COX16: variants seen among roughly 807,000 people sequenced by gnomAD.
COX16 encodes the protein cytochrome c oxidase assembly protein COX16 homolog, mitochondrial.
A neutral mutation model predicts 15.4 loss-of-function variants in COX16; 12 were observed. The ratio of observed to expected loss-of-function variants is 0.78; its 90% CI spans 0.50 to 1.26. The LOEUF (loss-of-function observed/expected upper bound fraction) is 1.26, where lower values mean the gene tolerates loss of function less well. COX16 is among the 50% of genes most tolerant of loss of function. COX16 has a pLI of 0.00. For synonymous variants in COX16, 46 were observed against 41.1 expected (o/e 1.12, Z -0.46); for missense variants, 124 against 127.6 (o/e 0.97, Z 0.14).
At chr14:70,334,437 C>T (rs113701251) in intron 2 of COX16, among the ~76,000 whole-genome samples, 4,424 of 152,256 alleles carry the variant, frequency 0.029, 212 homozygotes, top group African/African-American at 0.099. Flanking sequence ...GCAGAAGAAT[C>T]GCTTGGAAGG....
At chr14:70,333,735 TA>T (rs1886361797) in intron 2 of COX16, among the ~76,000 whole-genome samples, 1 of 152,096 alleles carries the variant, frequency 6.6e-6, no homozygotes, top group Non-Finnish European at 1.5e-5. Flanking sequence ...AAAAGCAAGG[TA>T]AAATGTCACC....
At position 70,330,272 on chromosome 14, in the gene COX16, C is replaced by G. The variant is rs990108052; in HGVS notation, c.142-1036G>C. Among the ~76,000 whole-genome samples, 3 of 152,132 alleles carry G rather than the reference C, an allele frequency of 2.0e-5. No individual in the cohort carries two copies. The East Asian group carries it at 5.8e-4, about 29-fold the overall frequency. ...TAATTTTATGCCATTAATTTGAAAA[C>G]TTAGATAAAATGGACAGATTAATAG... On this transcript the variant is annotated intron_variant, in intron 2 of 3. Transcript: ENST00000389912.
At chr14:70,354,085 G>A (rs1887051285) in intron 1 of COX16, among the ~76,000 whole-genome samples, 1 of 151,856 alleles carries the variant, frequency 6.6e-6, no homozygotes, top group Admixed American at 6.6e-5. Context: ...GCTGAGGTGG[G>A]AGAATCACTT....
Position 70,352,635 on chromosome 14 carries a change from C to CTTTTTT in COX16, c.69+6878_69+6883dup, listed in dbSNP as rs869290362. On this transcript the variant is annotated intron_variant, in intron 1 of 3. Coordinates refer to ENST00000389912, the MANE Select transcript of COX16 (RefSeq NM_016468.7). The stretch of plus-strand genomic sequence containing the variant: ...TACATTTTCTAACACAAATATATTT[C>CTTTTTT]TTTTTTTTTCTTTTTTTTTTTTTTT... 3.4e-5 allele frequency among the ~76,000 whole-genome samples: 4 copies of CTTTTTT among 118,820 alleles called. 1 individual carries two copies. Among genetic ancestry groups the CTTTTTT allele is most frequent in the Non-Finnish European group, 6.8e-5 (4 of 58,646 alleles). 78.0% of individuals were successfully genotyped at this position (118,820 alleles called of 152,430 possible). A position where few individuals can be genotyped will look rare whatever the true frequency, so the allele number is the denominator to read the frequency against.
At chr14:70,349,931 G>A (rs1405472991) in intron 1 of COX16, among the ~76,000 whole-genome samples, 1 of 152,160 alleles carries the variant, frequency 6.6e-6, no homozygotes, top group East Asian at 1.9e-4. Context: ...TCCAGATGAT[G>A]CTCCTGATAC....
At chr14:70,336,948 G>T (rs960910227) in intron 2 of COX16, among the ~76,000 whole-genome samples, 15 of 152,126 alleles carry the variant, frequency 9.9e-5, no homozygotes, top group African/African-American at 3.6e-4. Flanking sequence ...TGGAGTTTAA[G>T]AGATAAAGAC....
chr14:70,333,705 GAAATATAT>G (rs1202087854), intron 2 of COX16, among the ~76,000 whole-genome samples: 1 of 152,140 alleles, frequency 6.6e-6, no homozygotes, highest in East Asian at 1.9e-4. Context: ...TAAACCTGGA[GAAATATAT>G]AAGTATCTGG....
intron 1 of COX16, among the ~76,000 whole-genome samples, chr14:70,347,639 C>T (rs946433543): frequency 2.0e-5 from 3 of 152,122 alleles, no homozygotes; most frequent in Middle Eastern, 3.2e-3. Flanking sequence ...GAGACTGCAA[C>T]GCCCATGCTA....
chr14:70,355,887 T>C (rs1433816649), intron 1 of COX16, among the ~76,000 whole-genome samples: 1 of 152,086 alleles, frequency 6.6e-6, no homozygotes, highest in Non-Finnish European at 1.5e-5. Context: ...GAGTGAGTTC[T>C]CACTCTATTA....
chr14:70,328,445 G>A (rs1356253141), intron 3 of COX16, among the ~76,000 whole-genome samples: 1 of 151,982 alleles, frequency 6.6e-6, no homozygotes, highest in African/African-American at 2.4e-5. Context: ...ATATAATCCA[G>A]TCAAAAAAAT....
chr14:70,339,680 C>A (rs1303466436), intron 2 of COX16, among the ~76,000 whole-genome samples: 1 of 152,146 alleles, frequency 6.6e-6, no homozygotes, highest in Non-Finnish European at 1.5e-5. Context: ...TCCTGAAGAA[C>A]AAAACTCAAC....
chr14:70,348,353 C>T (rs61977533), intron 1 of COX16, among the ~76,000 whole-genome samples: 23,135 of 152,216 alleles, frequency 0.15, 1,902 homozygotes, highest in Middle Eastern at 0.19. Flanking sequence ...AATCACCGTG[C>T]TAACCAGCTC....
intron 3 of COX16, among the ~76,000 whole-genome samples, 189 bp from the exon 4 acceptor site, chr14:70,326,638 T>TA (rs1423487153): frequency 6.6e-6 from 1 of 151,974 alleles, no homozygotes; most frequent in African/African-American, 2.4e-5. Flanking sequence ...TTTCATTTGT[T>TA]ACTGATGTTA....
At position 70,325,397 on chromosome 14, in the gene COX16, T is replaced by A. The variant is rs572046431; in HGVS notation, c.*936A>T. ...GAGATGGAGACCATCCTGGCTAACGTGGTGAAACCCCATCTCTACTAAATA... is the reference window on the plus strand; with the variant it reads ...GAGATGGAGACCATCCTGGCTAACGAGGTGAAACCCCATCTCTACTAAATA... On this transcript the variant is annotated 3_prime_UTR_variant, in exon 4 of 4. Coordinates refer to ENST00000389912, the MANE Select transcript of COX16 (RefSeq NM_016468.7). 1 of 152,284 alleles carries A rather than the reference T, an allele frequency of 6.6e-6. No individual in the cohort carries two copies. The highest frequency in any genetic ancestry group is 1.9e-4 in the East Asian group (1 of 5,168). The allele number at this position is 152,284 out of a possible 1,614,324, so 9.4% of individuals were successfully genotyped here.
intron 1 of COX16, among the ~76,000 whole-genome samples, chr14:70,348,046 A>G (rs1886834897): frequency 6.6e-6 from 1 of 151,842 alleles, no homozygotes; most frequent in African/African-American, 2.4e-5. Context: ...CTCTATACCA[A>G]CGAACGTGTA....
rs58611844 is a variant in COX16 at position 70,335,603 on chromosome 14, T to TAAAA, written c.142-6371_142-6368dup. On this transcript the variant is annotated intron_variant, in intron 2 of 3. Coordinates refer to ENST00000389912, the MANE Select transcript of COX16 (RefSeq NM_016468.7). ...CAACGCTCCTGAATGACCAAAGAGT[T>TAAAA]AAAAAAAAAAAAAAAGGACCAAATT... Among the ~76,000 whole-genome samples, 517 of 136,802 alleles carry TAAAA rather than the reference T, an allele frequency of 3.8e-3. 5 individuals carry two copies. Among genetic ancestry groups the TAAAA allele is most frequent in the African/African-American group, 0.013 (483 of 37,332 alleles). The allele number at this position is 136,802 out of a possible 152,430, so 89.7% of individuals were successfully genotyped here. A position where few individuals can be genotyped will look rare whatever the true frequency, so the allele number is the denominator to read the frequency against.
At chr14:70,349,557 A>C (rs1446158855) in intron 1 of COX16, among the ~76,000 whole-genome samples, 1 of 152,224 alleles carries the variant, frequency 6.6e-6, no homozygotes, top group Non-Finnish European at 1.5e-5. Flanking sequence ...CACACCCTAC[A>C]GGCCTCAATC....
At chr14:70,351,290 A>G (rs949752696) in intron 1 of COX16, among the ~76,000 whole-genome samples, 6 of 152,228 alleles carry the variant, frequency 3.9e-5, no homozygotes, top group Non-Finnish European at 8.8e-5. Context: ...ACGGAGACAT[A>G]ATATGCATCG....
chr14:70,340,525 T>G (rs1363567029), intron 2 of COX16, among the ~76,000 whole-genome samples: 1 of 152,202 alleles, frequency 6.6e-6, no homozygotes, highest in Non-Finnish European at 1.5e-5. Context: ...TACTATCAAT[T>G]TGCTGCTAAA....
Sources: allele counts gnomAD v4.1 joint callset (sites outside exome capture counted in the v4.1 genomes callset), GRCh38; gene constraint gnomAD v4.1.1; transcripts MANE v1.5; gene names NCBI Gene and HGNC (gene_info 2026-07-23, HGNC 2026-07-21).